PSAP: variants seen among roughly 807,000 people sequenced by gnomAD.
PSAP encodes the protein prosaposin, also known as precursor of saposins.
Under a neutral mutation model 66.0 loss-of-function variants are expected in PSAP, and 25 were observed. That is an observed-to-expected ratio of 0.38 (90% CI 0.28 to 0.53). PSAP has a LOEUF of 0.53. Ranked by LOEUF, PSAP falls within the 20% of genes least tolerant of loss-of-function variation. The pLI is 0.83. For missense variants in PSAP, 649 were observed against 668.8 expected (o/e 0.97, Z 0.33); for synonymous variants, 273 against 258.9 (o/e 1.05, Z -0.52).
chr10:71,829,401 A>C (rs1401247451), intron 4 of PSAP, among the ~76,000 whole-genome samples: 1 of 152,152 alleles, frequency 6.6e-6, no homozygotes, highest in Non-Finnish European at 1.5e-5. Context: ...GAGGTAACTG[A>C]ATCACGGGGG....
chr10:71,846,127 C>T (rs1480429655), intron 1 of PSAP, among the ~76,000 whole-genome samples: 1 of 152,018 alleles, frequency 6.6e-6, no homozygotes, highest in Non-Finnish European at 1.5e-5. Flanking sequence ...CTGTATTAAC[C>T]TAATTTATTA....
chr10:71,816,695 A>G lies in PSAP; in HGVS notation c.*746T>C. ...GCCACCACTGTCCACACGCTCACAC[A>G]AGCCAGGCCCGCAGGGCCTTCGGAG... On this transcript the variant is annotated 3_prime_UTR_variant, in exon 14 of 14. Coordinates refer to ENST00000394936, the MANE Select transcript of PSAP (RefSeq NM_002778.4). The G allele has an allele frequency of 3.4e-6, 1 of 293,444 alleles. No individual in the cohort carries two copies. The highest frequency in any genetic ancestry group is 7.0e-6 in the Non-Finnish European group (1 of 142,988). 18.2% of individuals were successfully genotyped at this position (293,444 alleles called of 1,614,324 possible). A position where few individuals can be genotyped will look rare whatever the true frequency, so the allele number is the denominator to read the frequency against.
rs200836594 is a variant in PSAP at position 71,834,429 on chromosome 10, C to T, written c.117G>A (p.Ala39=). Residue 39 remains alanine (A), a synonymous_variant, in exon 2 of 14, where the codon GCG becomes GCA. Coordinates refer to ENST00000394936, the MANE Select transcript of PSAP (RefSeq NM_002778.4). ...SAVWCQNVKT[A]SDCGAVKHCL... is the part of the protein sequence containing the mutation. ...AGTGCTTCACTGCCCCGCAGTCGGA[C>T]GCCGTCTTCACATTCTGGCACCACA... is the stretch of plus-strand genomic sequence containing the variant. 92 of 1,613,994 alleles carry T rather than the reference C, an allele frequency of 5.7e-5. No individual in the cohort carries two copies. In the African/African-American group the frequency reaches 1.1e-3, roughly 18 times the overall value.
rs2133048020 is a variant in PSAP, at chr10:71,831,155, C to G, written c.346G>C (p.Val116Leu). The change falls in exon 4 of 14, where the codon GTC becomes CTC. Residue 116 changes from valine (V) to leucine (L), a missense_variant. By Grantham distance (32) the Val-to-Leu change is conservative (BLOSUM62 1). Transcript: ENST00000394936. ...TCTCCTTTAATGATGTCCAGGATGA[C>G]AGGGAGGTAGGAGTCCACTATCTCC... is the stretch of plus-strand genomic sequence containing the variant. ...CKEIVDSYLP[V>L]ILDIIKGEMS... 1 of 1,614,160 alleles carries G rather than the reference C, an allele frequency of 6.2e-7. No homozygotes were observed. The highest frequency in any genetic ancestry group is 8.5e-7 in the Non-Finnish European group (1 of 1,180,008).
chr10:71,851,111 GCACA>G, intron 1 of PSAP, 67 bp downstream of exon 1: 1 of 1,518,404 alleles, frequency 6.6e-7, no homozygotes, highest in Non-Finnish European at 8.9e-7. Context: ...GCCAGGCCCG[GCACA>G]GCCCATTCTG....
chr10:71,845,832 T>A (rs1842812240), intron 1 of PSAP, among the ~76,000 whole-genome samples: 1 of 152,174 alleles, frequency 6.6e-6, no homozygotes, highest in African/African-American at 2.4e-5. Context: ...CAGCTAAACC[T>A]AGTTTGGCTA....
chr10:71,830,458 G>A (rs1040817971), intron 4 of PSAP, among the ~76,000 whole-genome samples: 1 of 152,166 alleles, frequency 6.6e-6, no homozygotes, highest in Non-Finnish European at 1.5e-5. Context: ...CAAACCCTTT[G>A]ACAAATGCCC....
Position 71,816,453 on chromosome 10 carries a change from C to A in PSAP, c.*988G>T, listed in dbSNP as rs890492206. 1.3e-5 allele frequency: 6 copies of A among 471,168 alleles called. No homozygotes were observed. Among genetic ancestry groups the A allele is most frequent in the Non-Finnish European group, 2.6e-5 (6 of 227,072 alleles). 29.2% of individuals were successfully genotyped at this position (471,168 alleles called of 1,614,324 possible). A position where few individuals can be genotyped will look rare whatever the true frequency, so the allele number is the denominator to read the frequency against. Reference sequence around the variant, plus strand: ...GAAGCGTGGGTGCCCAAGTGGGCCACAGACAGCTTCCAACCCCCACACCCC... The same window carrying A: ...GAAGCGTGGGTGCCCAAGTGGGCCAAAGACAGCTTCCAACCCCCACACCCC... On this transcript the variant is annotated 3_prime_UTR_variant, in exon 14 of 14. Coordinates refer to ENST00000394936, the MANE Select transcript of PSAP (RefSeq NM_002778.4).
chr10:71,840,840 C>T (rs1317099982), intron 1 of PSAP, among the ~76,000 whole-genome samples: 1 of 152,178 alleles, frequency 6.6e-6, no homozygotes, highest in African/African-American at 2.4e-5. Flanking sequence ...TTACCTTGTG[C>T]AGTAATGACT....
At chr10:71,830,004 T>A (rs560977155) in intron 4 of PSAP, among the ~76,000 whole-genome samples, 13 of 151,846 alleles carry the variant, frequency 8.6e-5, no homozygotes, top group East Asian at 3.9e-4. Flanking sequence ...CTCAAAAAAA[T>A]AAATAAATAA....
At chr10:71,832,032 T>G (rs1842531433) in intron 2 of PSAP, 112 bp from the exon 3 acceptor site, 2 of 1,071,606 alleles carry the variant, frequency 1.9e-6, no homozygotes, top group Admixed American at 3.6e-5. Flanking sequence ...GATATGATCA[T>G]GACCGCGCTC....
intron 6 of PSAP, among the ~76,000 whole-genome samples, chr10:71,827,597 C>T (rs1041832066): frequency 1.3e-5 from 2 of 150,778 alleles, no homozygotes; most frequent in Non-Finnish European, 3.0e-5. Context: ...CGTGATTGCA[C>T]ACACCTGTAA....
intron 4 of PSAP, among the ~76,000 whole-genome samples, chr10:71,830,578 G>GA (rs1329580680): frequency 6.6e-5 from 10 of 152,202 alleles, no homozygotes; most frequent in African/African-American, 2.4e-4. Context: ...CCTGTCTTGG[G>GA]AAAGTCCTGC....
At position 71,831,225 on chromosome 10, in the gene PSAP, C is replaced by T; in HGVS notation, c.276G>A (p.Lys92=). 1.2e-6 allele frequency: 2 copies of T among 1,614,078 alleles called. No homozygotes were observed. Among genetic ancestry groups the T allele is most frequent in the East Asian group, 2.2e-5 (1 of 44,888 alleles). ...TEEEILVYLE[K]TCDWLPKPNM... is the part of the protein sequence containing the mutation. Reference sequence around the variant, plus strand: ...TCGGTTTCGGAAGCCAGTCACAGGTCTTCTCCAAGTAAACAAGGATCTCCT... The same window carrying T: ...TCGGTTTCGGAAGCCAGTCACAGGTTTTCTCCAAGTAAACAAGGATCTCCT... The change falls in exon 4 of 14, where the codon AAG becomes AAA. Residue 92 remains lysine, a synonymous_variant. Coordinates refer to ENST00000394936, the MANE Select transcript of PSAP (RefSeq NM_002778.4).
At position 71,817,221 on chromosome 10, in the gene PSAP, T is replaced by C; in HGVS notation, c.*220A>G. The C allele has an allele frequency of 1.5e-6, 1 of 648,940 alleles. No individual in the cohort carries two copies. 40.2% of individuals were successfully genotyped at this position (648,940 alleles called of 1,614,324 possible). On this transcript the variant is annotated 3_prime_UTR_variant, in exon 14 of 14. Transcript: ENST00000394936. ...AAGACCTCCAGTGCATCAACATCCA[T>C]CTAGCAGAGAGAAAAGGGGCACTGA...
At chr10:71,851,112 C>T (rs1237118498) in intron 1 of PSAP, 70 bp downstream of exon 1, 23 of 1,524,020 alleles carry the variant, frequency 1.5e-5, no homozygotes. Flanking sequence ...CCAGGCCCGG[C>T]ACAGCCCATT....
At position 71,833,016 on chromosome 10, in the gene PSAP, C is replaced by CAAAAAAAAAAAAAAA. The variant is rs781415981; in HGVS notation, c.175-1111_175-1097dup. Among the ~76,000 whole-genome samples, 34 of 50,674 alleles carry CAAAAAAAAAAAAAAA rather than the reference C, an allele frequency of 6.7e-4. 3 individuals carry two copies. The highest frequency in any genetic ancestry group is 1.7e-3 in the South Asian group (2 of 1,164). 33.2% of individuals were successfully genotyped at this position (50,674 alleles called of 152,430 possible). Reference sequence around the variant, plus strand: ...TAGGCAACAGAGTGAGAGTCCATCTCAAAAAAAAAAAAAAACAAAAAACAA... The same window carrying CAAAAAAAAAAAAAAA: ...TAGGCAACAGAGTGAGAGTCCATCTCAAAAAAAAAAAAAAAAAAAAAAAAAAAAAACAAAAAACAA... On this transcript the variant is annotated intron_variant, in intron 2 of 13. Coordinates refer to ENST00000394936, the MANE Select transcript of PSAP (RefSeq NM_002778.4).
intron 11 of PSAP, 42 bp downstream of exon 11, chr10:71,819,423 G>A: frequency 1.9e-6 from 3 of 1,611,304 alleles, no homozygotes; most frequent in Non-Finnish European, 2.5e-6. Flanking sequence ...ACTTCATCAG[G>A]TTCTGCCATG....
chr10:71,835,849 A>ACAACAG (rs1842615864), intron 1 of PSAP, among the ~76,000 whole-genome samples: 1 of 149,276 alleles, frequency 6.7e-6, no homozygotes, highest in African/African-American at 2.5e-5. Context: ...ACAAAACACA[A>ACAACAG]TCACCTGAGA....
Sources: gnomAD v4.1 joint callset for allele counts (sites outside exome capture counted in the v4.1 genomes callset) on GRCh38, gnomAD v4.1.1 for gene constraint, MANE v1.5 for transcripts, NCBI Gene and HGNC (gene_info 2026-07-23, HGNC 2026-07-21) for gene names.